FHOD3: variants seen among roughly 807,000 people sequenced by gnomAD.
The protein encoded by FHOD3 is formin homology 2 domain containing 3.
In FHOD3, 90 loss-of-function variants were observed where a neutral mutation model predicts 173.0. That is an observed-to-expected ratio of 0.52 (90% CI 0.44 to 0.62). The LOEUF is 0.62. FHOD3 is among the 20% of genes least tolerant of loss of function. The pLI, the probability that FHOD3 is intolerant of heterozygous loss-of-function variation, is 0.00. For missense variants in FHOD3, 1,945 were observed against 2,034.7 expected, an observed-to-expected ratio of 0.96 and a Z score of 0.85; for synonymous variants, 828 against 823.0, an observed-to-expected ratio of 1.01 and a Z score of -0.10.
chr18:36,630,065 G>A lies in FHOD3; in HGVS notation c.1196+4316G>A, dbSNP rs56160511. On this transcript the variant is annotated intron_variant, in intron 10 of 28. Coordinates refer to ENST00000590592, the MANE Select transcript of FHOD3 (RefSeq NM_001281740.3). ...ATTCTGCCTTAGGGGAAGGCAGATCGTTGGTTATGTAATCCACATGATGCT... is the reference window on the plus strand; with the variant it reads ...ATTCTGCCTTAGGGGAAGGCAGATCATTGGTTATGTAATCCACATGATGCT... 5.2e-3 allele frequency among the ~76,000 whole-genome samples: 799 copies of A among 152,250 alleles called. 10 individuals are homozygous for A. The highest frequency in any genetic ancestry group is 0.018 in the African/African-American group (760 of 41,530).
At chr18:36,685,977 A>G (rs1453759621) in intron 15 of FHOD3, among the ~76,000 whole-genome samples, 2 of 152,224 alleles carry the variant, frequency 1.3e-5, no homozygotes, top group African/African-American at 4.8e-5. Context: ...TGATCCTAGA[A>G]TAGAAACTGA....
chr18:36,327,938 C>T (rs1323888264), intron 1 of FHOD3, among the ~76,000 whole-genome samples: 1 of 152,196 alleles, frequency 6.6e-6, no homozygotes, highest in Non-Finnish European at 1.5e-5. Context: ...TAGAATTAGG[C>T]TATGGGTCAG....
intron 10 of FHOD3, among the ~76,000 whole-genome samples, chr18:36,645,793 C>A (rs2035638351): frequency 6.6e-6 from 1 of 151,950 alleles, no homozygotes; most frequent in Admixed American, 6.6e-5. Context: ...GTTGGCTTAA[C>A]ATTTTTTTTA....
chr18:36,407,448 G>T (rs954251341), intron 3 of FHOD3, among the ~76,000 whole-genome samples: 1 of 152,154 alleles, frequency 6.6e-6, no homozygotes, highest in African/African-American at 2.4e-5. Context: ...ATCTGCCAGG[G>T]ACTCTGCACC....
At chr18:36,419,969 T>C (rs922894952) in intron 3 of FHOD3, among the ~76,000 whole-genome samples, 12 of 152,234 alleles carry the variant, frequency 7.9e-5, no homozygotes, top group African/African-American at 2.2e-4. Flanking sequence ...GAAGATACTG[T>C]ATTGGCTTCC....
At chr18:36,395,338 C>T (rs2048507363) in intron 3 of FHOD3, among the ~76,000 whole-genome samples, 3 of 148,300 alleles carry the variant, frequency 2.0e-5, no homozygotes, top group Admixed American at 2.0e-4. Flanking sequence ...AAATCTATAT[C>T]TGCATTGTCA....
chr18:36,376,271 T>C (rs1344593262), intron 3 of FHOD3, among the ~76,000 whole-genome samples: 1 of 152,230 alleles, frequency 6.6e-6, no homozygotes, highest in Non-Finnish European at 1.5e-5. Context: ...TTTTACTGGC[T>C]GGCTTTGAAG....
chr18:36,421,192 AT>A (rs951500551), intron 3 of FHOD3, among the ~76,000 whole-genome samples: 4 of 152,216 alleles, frequency 2.6e-5, no homozygotes, highest in African/African-American at 9.6e-5. Context: ...AAACTAAAAC[AT>A]TTTTTAAAAT....
At chr18:36,341,601 T>TG (rs1379223314) in intron 1 of FHOD3, among the ~76,000 whole-genome samples, 2 of 152,144 alleles carry the variant, frequency 1.3e-5, no homozygotes, top group Non-Finnish European at 2.9e-5. Context: ...AAAATGGAGA[T>TG]GGGGTCTTAC....
Position 36,462,235 on chromosome 18 carries a change from A to T in FHOD3, c.338-39697A>T, listed in dbSNP as rs540436496. 2.6e-5 allele frequency among the ~76,000 whole-genome samples: 4 copies of T among 152,194 alleles called. No homozygotes were observed. In the South Asian group the frequency reaches 8.3e-4, roughly 32 times the overall value. ...GGAGACATCCTTGTGGCTTTGGTGA[A>T]GCCAGTTTGAATGCAAGTAGCTTTC... is the stretch of plus-strand genomic sequence containing the variant. On this transcript the variant is annotated intron_variant, in intron 3 of 28. Transcript: ENST00000590592.
chr18:36,639,713 C>T (rs2148960698), intron 10 of FHOD3, among the ~76,000 whole-genome samples: 1 of 150,278 alleles, frequency 6.7e-6, no homozygotes, highest in South Asian at 2.1e-4. Flanking sequence ...GTCCCAGCTA[C>T]TCGGGAGGCT....
At chr18:36,586,900 T>A (rs2059052490) in intron 6 of FHOD3, among the ~76,000 whole-genome samples, 1 of 152,168 alleles carries the variant, frequency 6.6e-6, no homozygotes, top group South Asian at 2.1e-4. Flanking sequence ...AAGCTCTTAC[T>A]GACAAAGCCA....
chr18:36,489,451 C>A (rs1364172376), intron 3 of FHOD3, among the ~76,000 whole-genome samples: 1 of 152,160 alleles, frequency 6.6e-6, no homozygotes, highest in Non-Finnish European at 1.5e-5. Flanking sequence ...CCTGTAATCA[C>A]AACACAAGCC....
intron 24 of FHOD3, among the ~76,000 whole-genome samples, chr18:36,748,638 A>G (rs1600542113): frequency 6.6e-6 from 1 of 152,054 alleles, no homozygotes; most frequent in South Asian, 2.1e-4. Flanking sequence ...CTCCCGCCTC[A>G]CCTGTCCACA....
Position 36,779,994 on chromosome 18 carries a change from G to T in FHOD3, c.*464G>T. ...GTTGTGGATTTTAGATGTAACAAAT[G>T]TTTATACAAATACATACATGTACAC... On this transcript the variant is annotated 3_prime_UTR_variant, in exon 29 of 29. Transcript: ENST00000590592. 1 of 536,416 alleles carries T rather than the reference G, an allele frequency of 1.9e-6. No homozygotes were observed. The highest frequency in any genetic ancestry group is 2.9e-6 in the Non-Finnish European group (1 of 350,062). The allele number at this position is 536,416 out of a possible 1,614,324, so 33.2% of individuals were successfully genotyped here. A position where few individuals can be genotyped will look rare whatever the true frequency, so the allele number is the denominator to read the frequency against.
At chr18:36,380,552 GTTTTCTTTTCTTTTC>G (rs751185984) in intron 3 of FHOD3, among the ~76,000 whole-genome samples, 2 of 79,454 alleles carry the variant, frequency 2.5e-5, no homozygotes, top group Non-Finnish European at 4.8e-5. Context: ...TCTTTCTTTT[GTTTTCTTTTCTTTTC>G]TTTTCTTTTC....
intron 18 of FHOD3, among the ~76,000 whole-genome samples, chr18:36,712,611 C>T (rs2040230287): frequency 6.6e-6 from 1 of 152,116 alleles, no homozygotes; most frequent in South Asian, 2.1e-4. Flanking sequence ...TGAACAGAGC[C>T]TCAGGGACCT....
At chr18:36,705,547 G>A (rs1329043202) in intron 17 of FHOD3, among the ~76,000 whole-genome samples, 1 of 152,126 alleles carries the variant, frequency 6.6e-6, no homozygotes, top group Non-Finnish European at 1.5e-5. Flanking sequence ...GTTTCCCTGT[G>A]CCCACTGGTG....
chr18:36,642,412 G>T (rs555825163), intron 10 of FHOD3, among the ~76,000 whole-genome samples: 1 of 151,994 alleles, frequency 6.6e-6, no homozygotes, highest in Non-Finnish European at 1.5e-5. Context: ...GAGGTCAGGA[G>T]ATCGAGACCA....
Sources: allele counts gnomAD v4.1 joint callset (sites outside exome capture counted in the v4.1 genomes callset), GRCh38; gene constraint gnomAD v4.1.1; transcripts MANE v1.5; gene names NCBI Gene and HGNC (gene_info 2026-07-23, HGNC 2026-07-21).